The following DPP10 variants were observed in gnomAD, a reference collection of about 807,000 sequenced individuals.
The protein encoded by DPP10 is dipeptidyl peptidase like 10.
Under a neutral mutation model 120.9 loss-of-function variants are expected in DPP10, and 33 were observed. The ratio of observed to expected loss-of-function variants is 0.27; its 90% CI spans 0.21 to 0.37. DPP10 has a LOEUF of 0.37. Ranked by LOEUF, DPP10 falls within the 10% of genes least tolerant of loss-of-function variation. The pLI is 1.00. For missense variants in DPP10, 816 were observed against 942.8 expected (o/e 0.87, Z 1.76); for synonymous variants, 337 against 326.1 (o/e 1.03, Z -0.36).
intron 2 of DPP10, among the ~76,000 whole-genome samples, chr2:115,336,402 C>T (rs1361077597): frequency 6.6e-6 from 1 of 151,868 alleles, no homozygotes; most frequent in Non-Finnish European, 1.5e-5. Context: ...ATTCTGTTTC[C>T]AGGTCTCTAA....
intron 1 of DPP10, among the ~76,000 whole-genome samples, chr2:114,927,286 A>G (rs1265147322): frequency 6.6e-6 from 1 of 151,982 alleles, no homozygotes; most frequent in African/African-American, 2.4e-5. Context: ...GAACCCAGGT[A>G]ATCTGAGGCA....
intron 5 of DPP10, among the ~76,000 whole-genome samples, chr2:115,661,902 C>A (rs1405873724): frequency 6.6e-6 from 1 of 152,184 alleles, no homozygotes; most frequent in Non-Finnish European, 1.5e-5. Context: ...ATCCTCTTAG[C>A]ACATTTCAAG....
intron 1 of DPP10, among the ~76,000 whole-genome samples, chr2:115,265,978 G>A (rs1265190774): frequency 6.6e-6 from 1 of 151,426 alleles, no homozygotes; most frequent in Non-Finnish European, 1.5e-5. Flanking sequence ...AAATGAAGAA[G>A]CTTATTTTGG....
At chr2:114,754,671 T>C (rs1002764209) in intron 1 of DPP10, among the ~76,000 whole-genome samples, 1 of 152,204 alleles carries the variant, frequency 6.6e-6, no homozygotes, top group African/African-American at 2.4e-5. Context: ...CAGATGATTC[T>C]AGCATGCGGC....
chr2:114,886,779 A>C (rs1692108827), intron 1 of DPP10, among the ~76,000 whole-genome samples: 1 of 152,170 alleles, frequency 6.6e-6, no homozygotes, highest in African/African-American at 2.4e-5. Context: ...CCTATTCTGC[A>C]GTCATGTAGT....
intron 1 of DPP10, among the ~76,000 whole-genome samples, chr2:114,895,485 A>C (rs1178948205): frequency 2.6e-5 from 4 of 152,162 alleles, no homozygotes; most frequent in Non-Finnish European, 5.9e-5. Context: ...TAAAATGTCA[A>C]AATCTCCCAC....
At chr2:114,482,470 C>T (rs1681147496) in intron 1 of DPP10, among the ~76,000 whole-genome samples, 1 of 152,122 alleles carries the variant, frequency 6.6e-6, no homozygotes, top group Non-Finnish European at 1.5e-5. Flanking sequence ...CACCTTAAAT[C>T]TTGGTTGCTT....
intron 5 of DPP10, among the ~76,000 whole-genome samples, chr2:115,656,107 A>G (rs939996238): frequency 1.3e-5 from 2 of 150,390 alleles, no homozygotes; most frequent in Non-Finnish European, 3.0e-5. Flanking sequence ...TGATAAGAGT[A>G]TACATCTCAT....
At chr2:114,595,011 C>A (rs549062612) in intron 1 of DPP10, among the ~76,000 whole-genome samples, 1 of 152,034 alleles carries the variant, frequency 6.6e-6, no homozygotes, top group East Asian at 1.9e-4. Context: ...TTGTTCTATG[C>A]TTTCTTGTAA....
At chr2:115,608,443 G>C (rs894646416) in intron 5 of DPP10, among the ~76,000 whole-genome samples, 4 of 151,850 alleles carry the variant, frequency 2.6e-5, no homozygotes, top group African/African-American at 9.7e-5. Context: ...AAAATACCCT[G>C]CCTGCCAAAC....
At chr2:114,685,192 T>C (rs1699282972) in intron 1 of DPP10, among the ~76,000 whole-genome samples, 1 of 151,964 alleles carries the variant, frequency 6.6e-6, no homozygotes, top group South Asian at 2.1e-4. Context: ...TATACCAGGT[T>C]CCTTTCTCAC....
chr2:114,506,208 A>C (rs7420540), intron 1 of DPP10, among the ~76,000 whole-genome samples: 81,238 of 152,028 alleles, frequency 0.53, 24,652 homozygotes, highest in East Asian at 0.71. Flanking sequence ...AAAACCCCAG[A>C]ACTCAGCCAG....
chr2:114,641,939 C>G (rs1298576297), intron 1 of DPP10, among the ~76,000 whole-genome samples: 1 of 151,772 alleles, frequency 6.6e-6, no homozygotes, highest in Non-Finnish European at 1.5e-5. Context: ...AGCAGATACA[C>G]TTTTTCACTT....
intron 1 of DPP10, among the ~76,000 whole-genome samples, chr2:114,638,518 A>C (rs928124787): frequency 6.6e-6 from 1 of 151,908 alleles, no homozygotes; most frequent in Non-Finnish European, 1.5e-5. Flanking sequence ...ACAAAAGTGA[A>C]GCAAAATGTT....
chr2:115,175,438 G>C (rs1175559360), intron 1 of DPP10, among the ~76,000 whole-genome samples: 3 of 152,150 alleles, frequency 2.0e-5, no homozygotes, highest in African/African-American at 7.2e-5. Context: ...ACATATGAAT[G>C]GGATTGGGAA....
chr2:114,619,405 G>A (rs1183624592), intron 1 of DPP10, among the ~76,000 whole-genome samples: 1 of 151,622 alleles, frequency 6.6e-6, no homozygotes, highest in Non-Finnish European at 1.5e-5. Context: ...GTGTGTGTGT[G>A]TGTGTGTACA....
intron 1 of DPP10, among the ~76,000 whole-genome samples, chr2:115,302,271 T>C (rs938854387): frequency 1.3e-5 from 2 of 152,020 alleles, no homozygotes; most frequent in African/African-American, 4.8e-5. Context: ...TTCTCCACCA[T>C]GATATTTTGG....
rs1180897511 is a variant in DPP10, at chr2:115,488,951, A to G, written c.272-10559A>G. ...AAACAAACAAACAAAGAAACAAAAA[A>G]CATACCTTTTAGAGTGTATGGCTAT... On this transcript the variant is annotated intron_variant, in intron 3 of 25. Coordinates refer to ENST00000410059, the MANE Select transcript of DPP10 (RefSeq NM_020868.6). Among the ~76,000 whole-genome samples the G allele has an allele frequency of 4.6e-5, 7 of 152,148 alleles. No homozygotes were observed. The South Asian group carries it at 1.2e-3, about 27-fold the overall frequency.
chr2:115,316,512 A>G (rs1042833038), intron 2 of DPP10, among the ~76,000 whole-genome samples: 3 of 152,196 alleles, frequency 2.0e-5, no homozygotes, highest in African/African-American at 2.4e-5. Flanking sequence ...AATTTGGACA[A>G]GGGGCAGAAA....
Sources: allele counts gnomAD v4.1 joint callset (sites outside exome capture counted in the v4.1 genomes callset), GRCh38; gene constraint gnomAD v4.1.1; transcripts MANE v1.5; gene names NCBI Gene and HGNC (gene_info 2026-07-23, HGNC 2026-07-21).